Variants in ASAP1 observed in about 807,000 individuals in gnomAD.
The protein encoded by ASAP1 is ArfGAP with SH3 domain, ankyrin repeat and PH domain 1.
ASAP1 carries 43 observed loss-of-function variants against 145.2 expected under a neutral mutation model. The observed-to-expected ratio is 0.30, with a 90% CI of 0.23 to 0.38. The LOEUF is 0.38. Among genes scored for constraint, ASAP1 ranks in the 10% least tolerant of loss-of-function variants. The probability of loss-of-function intolerance (pLI) is 1.00; values close to 1 mark genes in which losing one functional copy is unlikely to be tolerated. For synonymous variants in ASAP1, 546 were observed against 515.5 expected (o/e 1.06, Z -0.80); for missense variants, 1,018 against 1,355.3 (o/e 0.75, Z 3.91).
intron 3 of ASAP1, among the ~76,000 whole-genome samples, chr8:130,354,439 C>T (rs1482767900): frequency 6.6e-6 from 1 of 152,100 alleles, no homozygotes; most frequent in East Asian, 1.9e-4. Context: ...TAAAATGTGG[C>T]CCAATATAAA....
At chr8:130,146,123 G>A (rs1372994731) in intron 13 of ASAP1, among the ~76,000 whole-genome samples, 1 of 151,486 alleles carries the variant, frequency 6.6e-6, no homozygotes, top group East Asian at 1.9e-4. Flanking sequence ...TTACAGGTGA[G>A]AGCCAATGCA....
intron 24 of ASAP1, among the ~76,000 whole-genome samples, chr8:130,095,403 T>A (rs1158043474): frequency 1.4e-5 from 2 of 147,648 alleles, no homozygotes; most frequent in African/African-American, 5.1e-5. Flanking sequence ...TGGGTTCAAG[T>A]GATTCTCCTG....
chr8:130,194,090 C>G (rs984126552), intron 5 of ASAP1, among the ~76,000 whole-genome samples: 7 of 152,126 alleles, frequency 4.6e-5, no homozygotes, highest in Non-Finnish European at 1.0e-4. Flanking sequence ...TACACACATT[C>G]TTGAGGGCTG....
chr8:130,091,473 T>C (rs1015075876), intron 25 of ASAP1, among the ~76,000 whole-genome samples: 1 of 151,772 alleles, frequency 6.6e-6, no homozygotes, highest in Non-Finnish European at 1.5e-5. Context: ...GAAGATAGAG[T>C]GGCAGGAGAG....
At chr8:130,351,963 TACAG>T (rs1170445301) in intron 3 of ASAP1, among the ~76,000 whole-genome samples, 1 of 152,238 alleles carries the variant, frequency 6.6e-6, no homozygotes, top group Non-Finnish European at 1.5e-5. Context: ...CCTTTGATTC[TACAG>T]ACAGATATAT....
At position 130,103,794 on chromosome 8, in the gene ASAP1, G is replaced by A. The variant is rs960927840; in HGVS notation, c.2401+8300C>T. On this transcript the variant is annotated intron_variant, in intron 24 of 29. Transcript: ENST00000518721. Reference sequence around the variant, plus strand: ...CTCCCAAAGTGCTGGGATTACAGGCGTAAGCCACTGCACCTAGTGATGTTT... The same window carrying A: ...CTCCCAAAGTGCTGGGATTACAGGCATAAGCCACTGCACCTAGTGATGTTT... 4.6e-5 allele frequency among the ~76,000 whole-genome samples: 7 copies of A among 152,342 alleles called. 1 individual carries two copies. Among genetic ancestry groups the A allele is most frequent in the Non-Finnish European group, 1.5e-5 (1 of 68,036 alleles).
At chr8:130,263,408 C>T (rs1412264494) in intron 3 of ASAP1, among the ~76,000 whole-genome samples, 1 of 152,154 alleles carries the variant, frequency 6.6e-6, no homozygotes, top group Non-Finnish European at 1.5e-5. Flanking sequence ...GGAACACAAA[C>T]TACAACTAGG....
intron 5 of ASAP1, among the ~76,000 whole-genome samples, chr8:130,199,217 G>A (rs1815706951): frequency 6.6e-6 from 1 of 152,220 alleles, no homozygotes; most frequent in African/African-American, 2.4e-5. Flanking sequence ...GGAGGCAGAG[G>A]CTATGACTGC....
intron 3 of ASAP1, among the ~76,000 whole-genome samples, chr8:130,267,070 G>A (rs1338472269): frequency 6.9e-6 from 1 of 145,106 alleles, no homozygotes; most frequent in Non-Finnish European, 1.5e-5. Context: ...AGAGGACAAA[G>A]AAGTAGTACA....
chr8:130,208,709 T>A (rs1816387967), intron 5 of ASAP1: 1 of 152,138 alleles, frequency 6.6e-6, no homozygotes, highest in Non-Finnish European at 1.5e-5. Flanking sequence ...CTCTCACAAC[T>A]AGAAGGGGAT....
chr8:130,372,599 C>T (rs906835402), intron 2 of ASAP1, among the ~76,000 whole-genome samples: 1 of 152,084 alleles, frequency 6.6e-6, no homozygotes, highest in African/African-American at 2.4e-5. Context: ...CTTTAGAATT[C>T]AAGCCACAAT....
At chr8:130,238,681 G>A (rs1818353928) in intron 3 of ASAP1, among the ~76,000 whole-genome samples, 1 of 151,954 alleles carries the variant, frequency 6.6e-6, no homozygotes, top group South Asian at 2.1e-4. Flanking sequence ...ACCTGTTAAG[G>A]ATCATCTTCA....
chr8:130,306,742 A>G (rs1823017306), intron 3 of ASAP1, among the ~76,000 whole-genome samples: 3 of 152,238 alleles, frequency 2.0e-5, no homozygotes, highest in Non-Finnish European at 4.4e-5. Flanking sequence ...AATGGACCAC[A>G]TAAATTCTTC....
chr8:130,426,783 T>C lies in ASAP1; in HGVS notation c.-28+16677A>G, dbSNP rs562163623. ...CCTCCTTGAACACCCCATTTAACAA[T>C]GCACACCCTCCCCAGCATGCCCCAG... is the stretch of plus-strand genomic sequence containing the variant. On this transcript the variant is annotated intron_variant, in intron 1 of 29. Transcript: ENST00000518721. Among the ~76,000 whole-genome samples, 5 of 152,242 alleles carry C rather than the reference T, an allele frequency of 3.3e-5. No homozygotes were observed. In the East Asian group the frequency reaches 9.6e-4, roughly 29 times the overall value.
At chr8:130,306,710 G>A (rs534304311) in intron 3 of ASAP1, among the ~76,000 whole-genome samples, 8 of 152,152 alleles carry the variant, frequency 5.3e-5, no homozygotes, top group Non-Finnish European at 1.0e-4. Flanking sequence ...CATATATTTA[G>A]GGTAAACTTT....
chr8:130,353,874 C>T (rs1321929499), intron 3 of ASAP1, among the ~76,000 whole-genome samples: 2 of 151,914 alleles, frequency 1.3e-5, no homozygotes, highest in African/African-American at 4.8e-5. Context: ...GCCTGTTTCA[C>T]GGAGAGAAGG....
intron 9 of ASAP1, among the ~76,000 whole-genome samples, chr8:130,174,174 G>T (rs760650652): frequency 6.7e-6 from 1 of 150,094 alleles, no homozygotes; most frequent in Non-Finnish European, 1.5e-5. Context: ...CTTACTATAC[G>T]TGGTAACCTT....
chr8:130,238,756 G>T (rs1448919344), intron 3 of ASAP1, among the ~76,000 whole-genome samples: 1 of 152,050 alleles, frequency 6.6e-6, no homozygotes, highest in Non-Finnish European at 1.5e-5. Context: ...GGTGAGAAAG[G>T]TTAAGTAACT....
At position 130,311,775 on chromosome 8, in the gene ASAP1, A is replaced by AAAAAAAAAAC. The variant is rs796803091; in HGVS notation, c.186+46241_186+46242insGTTTTTTTTT. 3.7e-4 allele frequency among the ~76,000 whole-genome samples: 55 copies of AAAAAAAAAAC among 148,676 alleles called. 1 individual carries two copies. Among genetic ancestry groups the AAAAAAAAAAC allele is most frequent in the African/African-American group, 1.2e-3 (49 of 40,592 alleles). On this transcript the variant is annotated intron_variant, in intron 3 of 29. Coordinates refer to ENST00000518721, the MANE Select transcript of ASAP1 (RefSeq NM_018482.4). ...AAACTCCGTCTCAAAAAAAAAAAAA[A>AAAAAAAAAAC]GGCAAAATAAGTGATATAGGTTACT...
Sources: gnomAD v4.1 joint callset for allele counts (sites outside exome capture counted in the v4.1 genomes callset) on GRCh38, gnomAD v4.1.1 for gene constraint, MANE v1.5 for transcripts, NCBI Gene and HGNC (gene_info 2026-07-23, HGNC 2026-07-21) for gene names.